The following FHIP1A variants were observed in gnomAD, a reference collection of about 807,000 sequenced individuals.
The protein encoded by FHIP1A is FHF complex subunit HOOK-interacting protein 1A.
FHIP1A carries 61 observed loss-of-function variants against 88.6 expected under a neutral mutation model. The ratio of observed to expected loss-of-function variants is 0.69; its 90% confidence interval spans 0.56 to 0.85. The LOEUF (loss-of-function observed/expected upper bound fraction) is 0.85, where lower values mean the gene tolerates loss of function less well. Among genes scored for constraint, FHIP1A ranks in the 40% least tolerant of loss-of-function variants. FHIP1A has a pLI of 0.00. For synonymous variants in FHIP1A, 478 were observed against 496.0 expected (o/e 0.96, Z 0.48); for missense variants, 1,154 against 1,273.5 (o/e 0.91, Z 1.43).
intron 3 of FHIP1A, among the ~76,000 whole-genome samples, chr4:151,523,524 A>T (rs1731520163): frequency 6.6e-6 from 1 of 152,162 alleles, no homozygotes; most frequent in African/African-American, 2.4e-5. Context: ...TTCTTTAAAC[A>T]ATCATAAGTT....
Position 151,577,545 on chromosome 4 carries a change from C to T in FHIP1A, c.201C>T (p.Tyr67=), listed in dbSNP as rs568035952. ...ATGAGGCCAGTGCCGTGCAGAATTA[C>T]GTAGAACACATGCTCTTCTTGTTGA... ...PPDEASAVQN[Y]VEHMLFLLIE... Residue 67 remains tyrosine, a synonymous_variant, in exon 5 of 14, where the codon TAC becomes TAT. Coordinates refer to ENST00000435205, the MANE Select transcript of FHIP1A (RefSeq NM_001109977.3). 16 of 1,551,786 alleles carry T rather than the reference C, an allele frequency of 1.0e-5. No individual in the cohort carries two copies. Among genetic ancestry groups the T allele is most frequent in the East Asian group, 7.3e-5 (3 of 40,914 alleles).
chr4:151,646,215 A>G (rs967402599), intron 9 of FHIP1A, among the ~76,000 whole-genome samples: 1 of 152,218 alleles, frequency 6.6e-6, no homozygotes, highest in African/African-American at 2.4e-5. Context: ...TGGACTTTGT[A>G]GAATGAAAGG....
At chr4:151,634,244 A>C (rs1736264649) in intron 8 of FHIP1A, among the ~76,000 whole-genome samples, 1 of 151,850 alleles carries the variant, frequency 6.6e-6, no homozygotes, top group Admixed American at 6.6e-5. Flanking sequence ...GAAAACTACA[A>C]AACATTGAAA....
At chr4:151,633,709 C>T (rs549371700) in intron 8 of FHIP1A, among the ~76,000 whole-genome samples, 20 of 151,940 alleles carry the variant, frequency 1.3e-4, no homozygotes, top group Middle Eastern at 3.4e-3. Context: ...AAACCCACAG[C>T]GTCATCTCAA....
chr4:151,542,953 A>G (rs1312278900), intron 3 of FHIP1A, among the ~76,000 whole-genome samples: 2 of 152,206 alleles, frequency 1.3e-5, no homozygotes, highest in Non-Finnish European at 2.9e-5. Flanking sequence ...TATGTATCTG[A>G]CACAGTAAGA....
chr4:151,498,574 G>T (rs1229913338), intron 3 of FHIP1A, among the ~76,000 whole-genome samples: 1 of 152,160 alleles, frequency 6.6e-6, no homozygotes, highest in Non-Finnish European at 1.5e-5. Flanking sequence ...CTAGCACTTT[G>T]GGAGGCCGAG....
At chr4:151,475,216 G>T (rs538182677) in intron 2 of FHIP1A, among the ~76,000 whole-genome samples, 33 of 152,124 alleles carry the variant, frequency 2.2e-4, no homozygotes, top group Non-Finnish European at 3.4e-4. Flanking sequence ...CCTGCTCTTG[G>T]TGCTGGGAAG....
intron 7 of FHIP1A, among the ~76,000 whole-genome samples, chr4:151,629,284 AC>A (rs1209862612): frequency 6.6e-6 from 1 of 152,198 alleles, no homozygotes; most frequent in Non-Finnish European, 1.5e-5. Flanking sequence ...CTCGTACATA[AC>A]AGGTCCCAAT....
chr4:151,427,755 C>T (rs17027588), intron 1 of FHIP1A, among the ~76,000 whole-genome samples: 1,688 of 152,090 alleles, frequency 0.011, 32 homozygotes, highest in African/African-American at 0.037. Flanking sequence ...TGGAGGATGT[C>T]AACTACAGAG....
intron 3 of FHIP1A, among the ~76,000 whole-genome samples, chr4:151,549,179 G>A (rs1312538946): frequency 2.6e-5 from 4 of 152,262 alleles, no homozygotes; most frequent in Admixed American, 1.3e-4. Flanking sequence ...CAGGTGACTG[G>A]GATGAGTCAG....
At chr4:151,554,838 A>G (rs1732883328) in intron 3 of FHIP1A, among the ~76,000 whole-genome samples, 1 of 152,178 alleles carries the variant, frequency 6.6e-6, no homozygotes, top group Admixed American at 6.6e-5. Context: ...CTGGTTTGCT[A>G]TTAGACTGAA....
chr4:151,467,812 C>T (rs1014705651), intron 2 of FHIP1A, among the ~76,000 whole-genome samples: 4 of 151,914 alleles, frequency 2.6e-5, no homozygotes, highest in African/African-American at 4.8e-5. Flanking sequence ...GGGAACGACA[C>T]ACACCAGGAC....
chr4:151,522,755 G>C (rs1032853292), intron 3 of FHIP1A, among the ~76,000 whole-genome samples: 5 of 152,180 alleles, frequency 3.3e-5, no homozygotes, highest in African/African-American at 1.2e-4. Flanking sequence ...AAATCAATTT[G>C]TGTGTCTTTT....
chr4:151,467,735 A>G (rs1223190168), intron 2 of FHIP1A, among the ~76,000 whole-genome samples: 1 of 152,080 alleles, frequency 6.6e-6, no homozygotes, highest in Non-Finnish European at 1.5e-5. Context: ...AGGAACAGAA[A>G]ATCAAACACC....
At chr4:151,430,232 T>C (rs1733542853) in intron 1 of FHIP1A, among the ~76,000 whole-genome samples, 1 of 152,226 alleles carries the variant, frequency 6.6e-6, no homozygotes, top group African/African-American at 2.4e-5. Flanking sequence ...CTTTGTGCTT[T>C]TCATCCTCCA....
Position 151,469,048 on chromosome 4 carries a change from A to T in FHIP1A, c.-247-13476A>T, listed in dbSNP as rs557295929. ...TGTGGTTATACTTTTTGTGAGTGGA[A>T]GGTCAGTAGTCTTCATGAGATTCTG... On this transcript the variant is annotated intron_variant, in intron 2 of 13. Coordinates refer to ENST00000435205, the MANE Select transcript of FHIP1A (RefSeq NM_001109977.3). 4.6e-5 allele frequency among the ~76,000 whole-genome samples: 7 copies of T among 152,298 alleles called. No individual in the cohort carries two copies. In the South Asian group the frequency reaches 1.2e-3, roughly 27 times the overall value.
At chr4:151,630,837 A>T (rs1366937889) in intron 8 of FHIP1A, among the ~76,000 whole-genome samples, 5 of 152,242 alleles carry the variant, frequency 3.3e-5, no homozygotes, top group African/African-American at 1.2e-4. Flanking sequence ...GATGGAAATT[A>T]AAAAATTATT....
chr4:151,535,422 A>G (rs1732031926), intron 3 of FHIP1A, among the ~76,000 whole-genome samples: 1 of 152,250 alleles, frequency 6.6e-6, no homozygotes. Flanking sequence ...ATAGGAATTT[A>G]GAATATACAG....
intron 3 of FHIP1A, among the ~76,000 whole-genome samples, chr4:151,533,607 G>A (rs1485819988): frequency 6.6e-6 from 1 of 152,138 alleles, no homozygotes; most frequent in Non-Finnish European, 1.5e-5. Context: ...ACCAGGCCTA[G>A]CCAGCCCCTG....
Sources: gnomAD v4.1 joint callset for allele counts (sites outside exome capture counted in the v4.1 genomes callset) on GRCh38, gnomAD v4.1.1 for gene constraint, MANE v1.5 for transcripts, NCBI Gene and HGNC (gene_info 2026-07-23, HGNC 2026-07-21) for gene names.